RASGRP2: variants seen among roughly 807,000 people sequenced by gnomAD.
RASGRP2 encodes RAS guanyl releasing protein 2.
A neutral mutation model predicts 71.0 loss-of-function variants in RASGRP2; 44 were observed. The observed-to-expected ratio is 0.62, with a 90% CI of 0.49 to 0.80. The LOEUF (loss-of-function observed/expected upper bound fraction) is 0.80, where lower values mean the gene tolerates loss of function less well. RASGRP2 is among the 30% of genes least tolerant of loss of function. RASGRP2 has a pLI of 0.00. For missense variants in RASGRP2, 663 were observed against 813.4 expected (o/e 0.82, Z 2.25); for synonymous variants, 350 against 330.7 (o/e 1.06, Z -0.63).
At position 64,729,700 on chromosome 11, in the gene RASGRP2, CCAAA is replaced by C. The variant is rs1472748187; in HGVS notation, c.1591+58_1591+61del. 3 of 1,580,234 alleles carry C rather than the reference CCAAA, an allele frequency of 1.9e-6. No homozygotes were observed. The African/African-American group carries it at 4.1e-5, about 21-fold the overall frequency. ...TTGCCCCACCAAAACAGTAACTCTC[CCAAA>C]CAAACAAACAAAAAAAAAAAACACT... On this transcript the variant is annotated intron_variant, in intron 14 of 16. Transcript: ENST00000394432.
chr11:64,731,243 C>T (rs965243231), intron 12 of RASGRP2, among the ~76,000 whole-genome samples: 2 of 151,940 alleles, frequency 1.3e-5, no homozygotes, highest in Admixed American at 1.3e-4. Context: ...ATAATCCCAG[C>T]TACTCGGGAG....
intron 14 of RASGRP2, among the ~76,000 whole-genome samples, chr11:64,729,533 C>T (rs980487575): frequency 5.9e-5 from 9 of 151,906 alleles, no homozygotes; most frequent in Non-Finnish European, 1.0e-4. Context: ...GGCGGGGTTG[C>T]GCTATGTTGG....
At position 64,735,510 on chromosome 11, in the gene RASGRP2, C is replaced by T. The variant is rs2057904004; in HGVS notation, c.1296+32G>A. ...AGTGCTCCGGCAAACTGGCCTCTCC[C>T]CACACACTGCTCAGGCTCCGCAGGA... is the stretch of plus-strand genomic sequence containing the variant. On this transcript the variant is annotated intron_variant, in intron 11 of 16. Transcript: ENST00000394432. The surrounding 1 kb of genome is among the most constrained non-coding windows in gnomAD (Gnocchi z 4.2). 3.1e-6 allele frequency: 5 copies of T among 1,613,392 alleles called. No homozygotes were observed. Among genetic ancestry groups the T allele is most frequent in the Non-Finnish European group, 4.2e-6 (5 of 1,180,038 alleles).
chr11:64,735,993 G>C lies in RASGRP2; in HGVS notation c.1096-13C>G. 6.2e-7 allele frequency: 1 copy of C among 1,612,372 alleles called. No individual in the cohort carries two copies. The highest frequency in any genetic ancestry group is 1.1e-5 in the South Asian group (1 of 91,024). On this transcript the variant is annotated splice_polypyrimidine_tract_variant and intron_variant, in intron 9 of 16. Coordinates refer to ENST00000394432, the MANE Select transcript of RASGRP2 (RefSeq NM_001098671.2). The surrounding 1 kb of genome is among the most constrained non-coding windows in gnomAD (Gnocchi z 4.2). ...GATCCAGAGACACCTGGGACACACA[G>C]ATCTGATCACCCCCACTGGCCCCTG...
Position 64,740,176 on chromosome 11 carries a change from G to A in RASGRP2, c.372-13C>T. ...CTTGTAGGTAGGGCTGGGGGGGCAG[G>A]GGTAGTGAGCCCTTTGCTGGACATG... On this transcript the variant is annotated splice_polypyrimidine_tract_variant and intron_variant, in intron 5 of 16. Coordinates refer to ENST00000394432, the MANE Select transcript of RASGRP2 (RefSeq NM_001098671.2). 1 of 1,613,908 alleles carries A rather than the reference G, an allele frequency of 6.2e-7. No individual in the cohort carries two copies. Among genetic ancestry groups the A allele is most frequent in the Non-Finnish European group, 8.5e-7 (1 of 1,179,974 alleles).
At position 64,730,150 on chromosome 11, in the gene RASGRP2, C is replaced by G. The variant is rs760132708; in HGVS notation, c.1457G>C (p.Arg486Pro). 2 of 1,551,606 alleles carry G rather than the reference C, an allele frequency of 1.3e-6. No individual in the cohort carries two copies. Among genetic ancestry groups the G allele is most frequent in the South Asian group, 2.4e-5 (2 of 84,064 alleles). ...SREEMVSYFL[R>P]SSSVLGGRMG... ...GCGCCCCCCCAACACAGAGCTGGAG[C>G]GCAGGAAATAGGAAACCATCTCCTC... The change falls in exon 13 of 17, where the codon CGC becomes CCC. Residue 486 changes from arginine to proline, a missense_variant. Physicochemically the swap from Arg to Pro is moderately radical, Grantham distance 103. Transcript: ENST00000394432.
chr11:64,741,155 T>A, intron 4 of RASGRP2, 76 bp from the exon 5 acceptor site: 2 of 1,557,774 alleles, frequency 1.3e-6, no homozygotes, highest in Non-Finnish European at 1.7e-6. Context: ...CTATTTGAGA[T>A]TATAGTCACC....
In RASGRP2 at chr11:64,742,456, C is replaced by T; in HGVS notation, c.73+338G>A. ...AAGGGGCACCCCTTCACCAGATAAGCCGCCCCCCATTAGCCGGAAACAGCT... is the reference window on the plus strand; with the variant it reads ...AAGGGGCACCCCTTCACCAGATAAGTCGCCCCCCATTAGCCGGAAACAGCT... On this transcript the variant is annotated intron_variant, in intron 2 of 16. Coordinates refer to ENST00000394432, the MANE Select transcript of RASGRP2 (RefSeq NM_001098671.2). This position sits in a 1 kb window ranked among gnomAD's most constrained non-coding sequence, Gnocchi z 4.7. The T allele has an allele frequency of 1.8e-6, 1 of 560,986 alleles. No homozygotes were observed. The highest frequency in any genetic ancestry group is 2.0e-5 in the South Asian group (1 of 48,836). 34.8% of individuals were successfully genotyped at this position (560,986 alleles called of 1,614,324 possible). A position where few individuals can be genotyped will look rare whatever the true frequency, so the allele number is the denominator to read the frequency against.
chr11:64,744,352 G>A, upstream of RASGRP2: 1 of 981,486 alleles, frequency 1.0e-6, no homozygotes. Context: ...CTGGAGGACA[G>A]GGGAGCTCCT....
chr11:64,739,673 C>T lies in RASGRP2; in HGVS notation c.659G>A (p.Arg220Gln), dbSNP rs778780409. 4 of 1,613,812 alleles carry T rather than the reference C, an allele frequency of 2.5e-6. No individual in the cohort carries two copies. Among genetic ancestry groups the T allele is most frequent in the Admixed American group, 3.3e-5 (2 of 59,996 alleles). Residue 220 changes from arginine (R) to glutamine (Q), a missense_variant, in exon 7 of 17, where the codon CGG (arginine) becomes CAG (glutamine). Coordinates refer to ENST00000394432, the MANE Select transcript of RASGRP2 (RefSeq NM_001098671.2). This position sits in a 1 kb window ranked among gnomAD's most constrained non-coding sequence, Gnocchi z 4.2. ...GACAAAGTGTGTGATGACCAGGGCC[C>T]GCTGCGGGGCTGTGGGTTTGCTGAG... ...MILSKPTAPQ[R>Q]ALVITHFVHV... is the part of the protein sequence containing the mutation.
Position 64,728,988 on chromosome 11 carries a change from C to T in RASGRP2, c.1646G>A (p.Arg549Gln), listed in dbSNP as rs765010423. The T allele has an allele frequency of 5.0e-6, 8 of 1,609,204 alleles. No homozygotes were observed. The highest frequency in any genetic ancestry group is 4.4e-5 in the South Asian group (4 of 90,780). The change falls in exon 15 of 17, where the codon CGG becomes CAG. Residue 549 changes from arginine to glutamine, a missense_variant. By Grantham distance (43) the Arg-to-Gln change is conservative. Transcript: ENST00000394432. ...CAGGCTCACACTCTGGGCCCTGCGC[C>T]GACACTCAACTGACAGGCGATCCTT... ...QCKDRLSVEC[R>Q]RRAQSVSLEG...
In RASGRP2 at chr11:64,735,348, A is replaced by C. The variant is rs1040054192; in HGVS notation, c.1297-121T>G. 41 of 1,266,720 alleles carry C rather than the reference A, an allele frequency of 3.2e-5. No individual in the cohort carries two copies. Among genetic ancestry groups the C allele is most frequent in the Non-Finnish European group, 4.7e-5 (41 of 877,366 alleles). 78.5% of individuals were successfully genotyped at this position (1,266,720 alleles called of 1,614,324 possible). On this transcript the variant is annotated intron_variant, in intron 11 of 16. Coordinates refer to ENST00000394432, the MANE Select transcript of RASGRP2 (RefSeq NM_001098671.2). The surrounding 1 kb of genome is among the most constrained non-coding windows in gnomAD (Gnocchi z 4.2). Reference sequence around the variant, plus strand: ...GGTGTGTCTCAGAGAGGTCTCTGACACCACCCCCGTTCCATACCTCCACCC... The same window carrying C: ...GGTGTGTCTCAGAGAGGTCTCTGACCCCACCCCCGTTCCATACCTCCACCC...
In RASGRP2 at chr11:64,740,122, G is replaced by A. The variant is rs1450139017; in HGVS notation, c.413C>T (p.Pro138Leu). ...KWKRQVTQRN[P>L]VGQKKRKMSL... is the part of the protein sequence containing the mutation. Reference sequence around the variant, plus strand: ...CATCTTGCGCTTTTTCTGTCCCACAGGGTTCCGCTGAGTCACCTGCCGCTT... The same window carrying A: ...CATCTTGCGCTTTTTCTGTCCCACAAGGTTCCGCTGAGTCACCTGCCGCTT... The change falls in exon 6 of 17, where the codon CCT becomes CTT. Residue 138 changes from proline (P) to leucine (L), a missense_variant. Pro to Leu is a moderately conservative substitution (Grantham distance 98, BLOSUM62 -3). Coordinates refer to ENST00000394432, the MANE Select transcript of RASGRP2 (RefSeq NM_001098671.2). The A allele has an allele frequency of 1.2e-6, 2 of 1,614,172 alleles. No individual in the cohort carries two copies. The highest frequency in any genetic ancestry group is 8.5e-7 in the Non-Finnish European group (1 of 1,180,028).
At chr11:64,744,563 C>T (rs2058245817), upstream of RASGRP2, 1 of 152,600 alleles carries the variant, frequency 6.6e-6, no homozygotes, top group African/African-American at 2.4e-5. Context: ...GGTCCTCCGC[C>T]CTCCGGGGAT....
intron 8 of RASGRP2, among the ~76,000 whole-genome samples, chr11:64,737,469 G>A (rs1047012158): frequency 2.0e-5 from 3 of 151,716 alleles, no homozygotes; most frequent in Non-Finnish European, 2.9e-5. Context: ...AAGAGATGGA[G>A]ACCATCTTGG....
intron 5 of RASGRP2, 165 bp from the exon 6 acceptor site, chr11:64,740,328 AC>A: frequency 1.3e-6 from 1 of 778,946 alleles, no homozygotes; most frequent in Non-Finnish European, 2.3e-6. Context: ...ATCTCCCCCG[AC>A]CCCGTCATGC....
chr11:64,743,432 C>G lies in RASGRP2; in HGVS notation c.-71-495G>C, dbSNP rs1350275293. On this transcript the variant is annotated intron_variant, in intron 1 of 16. Transcript: ENST00000394432. The surrounding 1 kb of genome is among the most constrained non-coding windows in gnomAD (Gnocchi z 4.9). ...GAGAACCCAGGCGTCCTGCCCGCCT[C>G]GCCCCCTCCCGGGAGCCCAGGAAGG... The G allele has an allele frequency of 5.7e-6, 2 of 349,404 alleles. No individual in the cohort carries two copies. Among genetic ancestry groups the G allele is most frequent in the Non-Finnish European group, 1.1e-5 (2 of 177,024 alleles). 21.6% of individuals were successfully genotyped at this position (349,404 alleles called of 1,614,324 possible). A position where few individuals can be genotyped will look rare whatever the true frequency, so the allele number is the denominator to read the frequency against.
rs1238068258 is a variant in RASGRP2, at chr11:64,730,035, C to T, written c.1554+18G>A. On this transcript the variant is annotated intron_variant, in intron 13 of 16. Transcript: ENST00000394432. Reference sequence around the variant, plus strand: ...GAGGGGCGTGGCTTGGGCCGTGAGCCGGGAAAGGGACTCTCACCAGGGCTT... The same window carrying T: ...GAGGGGCGTGGCTTGGGCCGTGAGCTGGGAAAGGGACTCTCACCAGGGCTT... 3 of 1,548,362 alleles carry T rather than the reference C, an allele frequency of 1.9e-6. No homozygotes were observed. The highest frequency in any genetic ancestry group is 1.7e-6 in the Non-Finnish European group (2 of 1,146,322).
Position 64,742,980 on chromosome 11 carries a change from C to A in RASGRP2, c.-71-43G>T. ...GAGCGGGAGTCTGCGGAGTCGCGGG[C>A]GGGGGAGCGGCCCCGCGGGCAGAAA... On this transcript the variant is annotated intron_variant, in intron 1 of 16. Coordinates refer to ENST00000394432, the MANE Select transcript of RASGRP2 (RefSeq NM_001098671.2). This position sits in a 1 kb window ranked among gnomAD's most constrained non-coding sequence, Gnocchi z 4.7. 1.3e-6 allele frequency: 2 copies of A among 1,505,866 alleles called. No individual in the cohort carries two copies. Among genetic ancestry groups the A allele is most frequent in the East Asian group, 2.5e-5 (1 of 40,008 alleles). The allele number at this position is 1,505,866 out of a possible 1,614,324, so 93.3% of individuals were successfully genotyped here. A position where few individuals can be genotyped will look rare whatever the true frequency, so the allele number is the denominator to read the frequency against.
Sources: allele counts gnomAD v4.1 joint callset (sites outside exome capture counted in the v4.1 genomes callset), GRCh38; gene constraint gnomAD v4.1.1; non-coding constraint Gnocchi (gnomAD v3.1); transcripts MANE v1.5; gene names NCBI Gene and HGNC (gene_info 2026-07-23, HGNC 2026-07-21).